Variants in P3H2 observed in about 807,000 individuals in gnomAD.
The protein encoded by P3H2 is prolyl 3-hydroxylase 2.
P3H2 carries 80 observed loss-of-function variants against 87.0 expected under a neutral mutation model. That is an observed-to-expected ratio of 0.92 (90% CI 0.77 to 1.11). The LOEUF (loss-of-function observed/expected upper bound fraction) is 1.11, where lower values mean the gene tolerates loss of function less well. P3H2 is among the 50% of genes least tolerant of loss of function. The probability of loss-of-function intolerance (pLI) is 0.00; values close to 1 mark genes in which losing one functional copy is unlikely to be tolerated. For synonymous variants in P3H2, 367 were observed against 359.3 expected (o/e 1.02, Z -0.24); for missense variants, 1,001 against 923.9 (o/e 1.08, Z -1.08).
chr3:190,026,293 T>C (rs1203014628), intron 1 of P3H2, among the ~76,000 whole-genome samples: 3 of 152,170 alleles, frequency 2.0e-5, no homozygotes, highest in Non-Finnish European at 4.4e-5. Context: ...TCTTGAGTAG[T>C]GGCTGGGTAA....
At chr3:190,038,420 C>T (rs1725492509) in intron 1 of P3H2, among the ~76,000 whole-genome samples, 1 of 144,112 alleles carries the variant, frequency 6.9e-6, no homozygotes, top group Non-Finnish European at 1.5e-5. Context: ...TGCATTATCT[C>T]AATCACCCCA....
chr3:190,018,049 C>G (rs549242599), intron 1 of P3H2, among the ~76,000 whole-genome samples: 1 of 152,284 alleles, frequency 6.6e-6, no homozygotes, highest in African/African-American at 2.4e-5. Context: ...TCTGTAGTTC[C>G]TTATGAATTC....
chr3:190,120,355 TG>T lies in P3H2; in HGVS notation c.376del (p.Gln126SerfsTer78), dbSNP rs1560026686. On this transcript the variant is annotated frameshift_variant, in exon 1 of 15. Transcript: ENST00000319332. LOFTEE classifies it high-confidence loss of function. ...RARCYRSCET[Q>X]RLGGPASRHR... is the part of the protein sequence containing the mutation. Reference sequence around the variant, plus strand: ...GCGGGATGCGGGGCCCCCGAGGCGCTGGGTCTCACAGCTGCGATAACAGCGC... The same window carrying T: ...GCGGGATGCGGGGCCCCCGAGGCGCTGGTCTCACAGCTGCGATAACAGCGC... 1.9e-6 allele frequency: 3 copies of T among 1,571,060 alleles called. No homozygotes were observed. In the South Asian group the frequency reaches 3.5e-5, roughly 18 times the overall value.
intron 8 of P3H2, among the ~76,000 whole-genome samples, chr3:189,979,184 G>A (rs1482053436): frequency 4.6e-5 from 7 of 152,128 alleles, no homozygotes; most frequent in Admixed American, 4.6e-4. Context: ...AGCACTTTGG[G>A]AGGCTGAGGC....
intron 1 of P3H2, among the ~76,000 whole-genome samples, chr3:190,021,361 T>C (rs1180395456): frequency 7.4e-6 from 1 of 135,212 alleles, no homozygotes; most frequent in Non-Finnish European, 1.7e-5. Context: ...TTCCTTAAGA[T>C]TGAAAAAGTA....
intron 1 of P3H2, among the ~76,000 whole-genome samples, chr3:190,012,656 A>C (rs757203984): frequency 6.6e-6 from 1 of 152,150 alleles, no homozygotes; most frequent in African/African-American, 2.4e-5. Context: ...TGACTAGCTT[A>C]AACATCATTT....
At position 189,980,505 on chromosome 3, in the gene P3H2, G is replaced by T. The variant is rs1033146481; in HGVS notation, c.1324+2541C>A. On this transcript the variant is annotated intron_variant, in intron 8 of 14. Coordinates refer to ENST00000319332, the MANE Select transcript of P3H2 (RefSeq NM_018192.4). ...TTGAACCCAGGAGGCGGACGTTGCA[G>T]TGAGCTGAGATCACGCCACTGCACT... Among the ~76,000 whole-genome samples the T allele has an allele frequency of 3.3e-5, 5 of 152,156 alleles. No individual in the cohort carries two copies. The East Asian group carries it at 7.7e-4, about 24-fold the overall frequency.
rs3062107 is a variant in P3H2 at position 189,957,441 on chromosome 3, TTGTGTGTG to T, written c.*463_*470del. On this transcript the variant is annotated 3_prime_UTR_variant, in exon 15 of 15. Transcript: ENST00000319332. ...AGCTTTTGAATTTGCAGCAACTTAA[TTGTGTGTG>T]TGTGTGTGTGTGTGTGTGTGTGTGT... 22,245 of 255,064 alleles carry T rather than the reference TTGTGTGTG, an allele frequency of 0.087. 994 individuals are homozygous for T. Among genetic ancestry groups the T allele is most frequent in the East Asian group, 0.32 (4,275 of 13,318 alleles). The allele number at this position is 255,064 out of a possible 1,614,324, so 15.8% of individuals were successfully genotyped here.
intron 1 of P3H2, among the ~76,000 whole-genome samples, chr3:190,004,863 T>G (rs182907923): frequency 6.6e-6 from 1 of 151,520 alleles, no homozygotes; most frequent in Non-Finnish European, 1.5e-5. Flanking sequence ...AAAAAAAAAA[T>G]TTTAGCTGGC....
At chr3:190,035,169 T>C (rs985113559) in intron 1 of P3H2, among the ~76,000 whole-genome samples, 4 of 152,048 alleles carry the variant, frequency 2.6e-5, no homozygotes, top group African/African-American at 7.2e-5. Context: ...ATTTTTTTCT[T>C]TTCTTTTTTT....
In P3H2 at chr3:189,957,438, T is replaced by C; in HGVS notation, c.*474A>G. ...CTAAGCTTTTGAATTTGCAGCAACT[T>C]AATTGTGTGTGTGTGTGTGTGTGTG... On this transcript the variant is annotated 3_prime_UTR_variant, in exon 15 of 15. Coordinates refer to ENST00000319332, the MANE Select transcript of P3H2 (RefSeq NM_018192.4). The C allele has an allele frequency of 3.1e-6, 1 of 321,624 alleles. No homozygotes were observed. The highest frequency in any genetic ancestry group is 5.2e-6 in the Non-Finnish European group (1 of 191,262). 19.9% of individuals were successfully genotyped at this position (321,624 alleles called of 1,614,324 possible). A position where few individuals can be genotyped will look rare whatever the true frequency, so the allele number is the denominator to read the frequency against.
intron 1 of P3H2, among the ~76,000 whole-genome samples, chr3:190,004,591 C>T (rs1472998929): frequency 3.3e-5 from 5 of 151,938 alleles, no homozygotes; most frequent in African/African-American, 1.2e-4. Context: ...ACCGTCTTAG[C>T]CGGGATGGTC....
chr3:190,076,192 C>T (rs1271683224), intron 1 of P3H2, among the ~76,000 whole-genome samples: 4 of 151,146 alleles, frequency 2.6e-5, no homozygotes, highest in African/African-American at 9.7e-5. Flanking sequence ...CACACACACA[C>T]ACACATACAC....
At chr3:189,974,056 A>G (rs774695993) in intron 9 of P3H2, 52 bp from the exon 10 acceptor site, 18 of 1,473,492 alleles carry the variant, frequency 1.2e-5, no homozygotes, top group Non-Finnish European at 1.7e-5. Context: ...TGAATTCATC[A>G]GGTCTTTTTC....
At chr3:190,032,203 T>C (rs1226705976) in intron 1 of P3H2, among the ~76,000 whole-genome samples, 2 of 152,226 alleles carry the variant, frequency 1.3e-5, no homozygotes, top group Admixed American at 1.3e-4. Context: ...GAAATGTTTA[T>C]GGTAGCAGTG....
intron 1 of P3H2, among the ~76,000 whole-genome samples, chr3:190,099,998 C>T (rs1460520516): frequency 6.6e-6 from 1 of 152,110 alleles, no homozygotes; most frequent in African/African-American, 2.4e-5. Flanking sequence ...CTCTGGGAGG[C>T]CGAGGTGGGT....
intron 1 of P3H2, among the ~76,000 whole-genome samples, chr3:190,010,425 AC>A (rs1246328835): frequency 6.6e-6 from 1 of 152,172 alleles, no homozygotes; most frequent in Non-Finnish European, 1.5e-5. Flanking sequence ...TAAAGAAGAA[AC>A]TGAGTTAAAA....
At chr3:190,040,882 A>G (rs1011664469) in intron 1 of P3H2, among the ~76,000 whole-genome samples, 2 of 151,014 alleles carry the variant, frequency 1.3e-5, no homozygotes, top group African/African-American at 4.9e-5. Context: ...GGCGTGTGTG[A>G]CCTTCAAGAA....
intron 1 of P3H2, among the ~76,000 whole-genome samples, chr3:189,997,075 G>A (rs1200645898): frequency 1.3e-5 from 2 of 152,182 alleles, no homozygotes. Context: ...AGGCTGGAGT[G>A]CAATGGCGCG....
Sources: allele counts gnomAD v4.1 joint callset (sites outside exome capture counted in the v4.1 genomes callset), GRCh38; gene constraint gnomAD v4.1.1; transcripts MANE v1.5; gene names NCBI Gene and HGNC (gene_info 2026-07-23, HGNC 2026-07-21).